Variants in PAK1 observed in about 807,000 individuals in gnomAD.
The protein encoded by PAK1 is p21 (RAC1) activated kinase 1, also known as serine/threonine-protein kinase PAK 1.
Under a neutral mutation model 67.4 loss-of-function variants are expected in PAK1, and 29 were observed. That is an observed-to-expected ratio of 0.43 (90% CI 0.32 to 0.59). The LOEUF is 0.59. PAK1 is among the 20% of genes least tolerant of loss of function. The pLI is 0.07. For missense variants in PAK1, 337 were observed against 670.7 expected, an observed-to-expected ratio of 0.50 and a Z score of 5.50; for synonymous variants, 223 against 237.4, an observed-to-expected ratio of 0.94 and a Z score of 0.56.
At chr11:77,455,639 T>A (rs1170933355) in intron 1 of PAK1, among the ~76,000 whole-genome samples, 1 of 152,200 alleles carries the variant, frequency 6.6e-6, no homozygotes, top group East Asian at 1.9e-4. Context: ...CTTTAATAAA[T>A]CTTTTTTGCT....
chr11:77,355,950 T>A (rs1010784509), intron 6 of PAK1, 108 bp from the exon 7 acceptor site: 1 of 676,354 alleles, frequency 1.5e-6, no homozygotes, highest in Non-Finnish European at 2.6e-6. Context: ...AATAAACTCA[T>A]CCTTTCTCTT....
chr11:77,325,410 G>C, intron 14 of PAK1: 1 of 1,608,534 alleles, frequency 6.2e-7, no homozygotes, highest in South Asian at 1.1e-5. Flanking sequence ...ATGACTCACA[G>C]AGTTGTTGTA....
chr11:77,336,269 G>A lies in PAK1; in HGVS notation c.1230C>T (p.Phe410=), dbSNP rs376509369. ...TCTGCTCTGGGGTTATCTGTGCACA[G>A]AATCCAAAGTCAGCTAGAAAAGAAA... ...DGSVKLTDFG[F]CAQITPEQSK... Residue 410 remains phenylalanine (F), a synonymous_variant, in exon 13 of 15, where the codon TTC becomes TTT. Coordinates refer to ENST00000356341, the MANE Select transcript of PAK1 (RefSeq NM_002576.5). The A allele has an allele frequency of 5.0e-6, 8 of 1,603,134 alleles. No individual in the cohort carries two copies. The highest frequency in any genetic ancestry group is 6.8e-6 in the Non-Finnish European group (8 of 1,171,708).
At chr11:77,419,313 G>A (rs936768995) in intron 1 of PAK1, among the ~76,000 whole-genome samples, 2 of 152,194 alleles carry the variant, frequency 1.3e-5, no homozygotes, top group African/African-American at 4.8e-5. Flanking sequence ...CAGTTAACAT[G>A]TTTTAAGTGC....
chr11:77,424,095 T>C (rs1787052447), intron 1 of PAK1, among the ~76,000 whole-genome samples: 1 of 152,228 alleles, frequency 6.6e-6, no homozygotes, highest in Non-Finnish European at 1.5e-5. Context: ...AGGAAACCAC[T>C]GCAGCTACTT....
At chr11:77,374,791 C>T (rs116282336) in intron 4 of PAK1, among the ~76,000 whole-genome samples, 11 of 152,116 alleles carry the variant, frequency 7.2e-5, no homozygotes, top group East Asian at 3.8e-4. Flanking sequence ...CTGTACAGCA[C>T]GTTACTGCAG....
intron 1 of PAK1, among the ~76,000 whole-genome samples, chr11:77,440,793 C>T (rs780342996): frequency 2.6e-4 from 40 of 152,084 alleles, no homozygotes; most frequent in Non-Finnish European, 5.3e-4. Flanking sequence ...AAACAAGAGA[C>T]CTTCTAAGCT....
At position 77,460,172 on chromosome 11, in the gene PAK1, A is replaced by G. The variant is rs72941701; in HGVS notation, c.-22+13380T>C. 7.2e-3 allele frequency among the ~76,000 whole-genome samples: 1,086 copies of G among 149,922 alleles called. 25 individuals are homozygous for G. The highest frequency in any genetic ancestry group is 5.1e-3 in the Non-Finnish European group (343 of 67,564). On this transcript the variant is annotated intron_variant, in intron 1 of 14. Coordinates refer to ENST00000356341, the MANE Select transcript of PAK1 (RefSeq NM_002576.5). ...CTCTGTAGAATAGAAAAAAAAAAAA[A>G]GGGATGAAAAGGAAAAAGGGAGAGA...
intron 13 of PAK1, among the ~76,000 whole-genome samples, chr11:77,333,203 T>C (rs1176480970): frequency 6.8e-6 from 1 of 147,680 alleles, no homozygotes; most frequent in Non-Finnish European, 1.5e-5. Context: ...TCTTTTTTTT[T>C]TTTTTTTTTT....
At chr11:77,422,212 C>T (rs939853455) in intron 1 of PAK1, among the ~76,000 whole-genome samples, 1 of 152,162 alleles carries the variant, frequency 6.6e-6, no homozygotes, top group Non-Finnish European at 1.5e-5. Flanking sequence ...GGCACCAGCA[C>T]ACATTTTTAT....
At chr11:77,526,989 G>A in the PAK1 span, among the ~76,000 whole-genome samples, 1 of 152,032 alleles carries the variant, frequency 6.6e-6, no homozygotes, top group Non-Finnish European at 1.5e-5. Flanking sequence ...GGGGAGTGTG[G>A]TGAGGGGAAA....
the PAK1 span, among the ~76,000 whole-genome samples, chr11:77,495,551 A>G: frequency 6.6e-6 from 1 of 152,230 alleles, no homozygotes; most frequent in Non-Finnish European, 1.5e-5. Context: ...TATACCCAAA[A>G]GAATTGAAAC....
chr11:77,509,291 G>A, the PAK1 span, among the ~76,000 whole-genome samples: 1 of 152,130 alleles, frequency 6.6e-6, no homozygotes, highest in African/African-American at 2.4e-5. Context: ...AAATGAGCCA[G>A]CATCTGCTGA....
intron 1 of PAK1, among the ~76,000 whole-genome samples, chr11:77,426,976 A>G (rs1170534414): frequency 6.6e-6 from 1 of 152,240 alleles, no homozygotes; most frequent in Non-Finnish European, 1.5e-5. Context: ...TGATCAGAAC[A>G]AGAAAAGTTC....
chr11:77,499,851 C>G, the PAK1 span, among the ~76,000 whole-genome samples: 2 of 152,160 alleles, frequency 1.3e-5, no homozygotes, highest in Non-Finnish European at 2.9e-5. Context: ...ATTTTGGCTT[C>G]TACAGAACAG....
intron 1 of PAK1, among the ~76,000 whole-genome samples, chr11:77,472,711 G>C (rs1355279147): frequency 6.6e-6 from 1 of 152,174 alleles, no homozygotes; most frequent in Non-Finnish European, 1.5e-5. Context: ...TTGTTCTCAG[G>C]AACAATTCTT....
intron 9 of PAK1, 36 bp downstream of exon 9, chr11:77,349,203 G>T (rs375653916): frequency 2.0e-6 from 3 of 1,484,966 alleles, no homozygotes; most frequent in Non-Finnish European, 2.8e-6. Context: ...AAAAGAAACA[G>T]AACTAAAGGA....
chr11:77,488,390 G>T, the PAK1 span, among the ~76,000 whole-genome samples: 3 of 152,042 alleles, frequency 2.0e-5, no homozygotes, highest in Admixed American at 6.6e-5. Flanking sequence ...GACACCAATG[G>T]ACATCCACAA....
intron 14 of PAK1, among the ~76,000 whole-genome samples, chr11:77,324,199 G>A (rs1463461642): frequency 1.5e-5 from 2 of 132,376 alleles, no homozygotes; most frequent in Non-Finnish European, 3.0e-5. Flanking sequence ...TTGAGACGGA[G>A]TCTCACTCTG....
Sources: gnomAD v4.1 joint callset for allele counts (sites outside exome capture counted in the v4.1 genomes callset) on GRCh38, gnomAD v4.1.1 for gene constraint, MANE v1.5 for transcripts, NCBI Gene and HGNC (gene_info 2026-07-23, HGNC 2026-07-21) for gene names.